Variants in SLC35D4 observed in about 807,000 individuals in gnomAD.
The protein encoded by SLC35D4 is UDP-N-acetylglucosamine transporter SLC35D4.
At chr18:23,384,799 T>C in the SLC35D4 span, among the ~76,000 whole-genome samples, 3 of 152,196 alleles carry the variant, frequency 2.0e-5, no homozygotes, top group Non-Finnish European at 2.9e-5. Context: ...TCAACAATAT[T>C]CCCACATATG....
chr18:23,327,472 C>T, the SLC35D4 span, among the ~76,000 whole-genome samples: 1 of 152,106 alleles, frequency 6.6e-6, no homozygotes, highest in Non-Finnish European at 1.5e-5. Flanking sequence ...AATTCCTGGA[C>T]ACATACACCC....
At chr18:23,411,047 G>T in the SLC35D4 span, among the ~76,000 whole-genome samples, 1 of 151,846 alleles carries the variant, frequency 6.6e-6, no homozygotes, top group South Asian at 2.1e-4. Context: ...AAGGAGGCAA[G>T]ATGGAATTAA....
the SLC35D4 span, among the ~76,000 whole-genome samples, chr18:23,437,077 A>T: frequency 6.6e-6 from 1 of 151,970 alleles, no homozygotes; most frequent in Non-Finnish European, 1.5e-5. Context: ...AGCCATGCCC[A>T]CTCGGTCCTA....
the SLC35D4 span, chr18:23,377,029 C>A: frequency 2.2e-6 from 1 of 453,414 alleles, no homozygotes; most frequent in African/African-American, 2.0e-5. Context: ...TCTATCAAAG[C>A]ACCTCTGTTG....
chr18:23,426,711 A>G, the SLC35D4 span, among the ~76,000 whole-genome samples: 8 of 152,172 alleles, frequency 5.3e-5, no homozygotes, highest in Non-Finnish European at 1.2e-4. Flanking sequence ...CATTGCCAAG[A>G]CAATCCTAAG....
chr18:23,253,180 G>A, the SLC35D4 span: 3 of 658,540 alleles, frequency 4.6e-6, no homozygotes, highest in Non-Finnish European at 8.3e-6. Context: ...TTGAGTCATT[G>A]TCACATTCAG....
the SLC35D4 span, among the ~76,000 whole-genome samples, chr18:23,307,732 G>A: frequency 1.3e-5 from 2 of 152,180 alleles, no homozygotes; most frequent in African/African-American, 2.4e-5. Flanking sequence ...TGTGAGTCAC[G>A]GGCTCTGAGG....
At chr18:23,423,818 C>G in the SLC35D4 span, among the ~76,000 whole-genome samples, 1 of 152,144 alleles carries the variant, frequency 6.6e-6, no homozygotes, top group African/African-American at 2.4e-5. Flanking sequence ...ACAACAATGG[C>G]TTGATTCAAA....
the SLC35D4 span, among the ~76,000 whole-genome samples, chr18:23,398,018 T>A: frequency 6.6e-6 from 1 of 152,174 alleles, no homozygotes; most frequent in African/African-American, 2.4e-5. Context: ...GCTGTGATTG[T>A]GCCACTGCAC....
the SLC35D4 span, among the ~76,000 whole-genome samples, chr18:23,317,871 CT>C: frequency 6.6e-6 from 1 of 152,072 alleles, no homozygotes; most frequent in African/African-American, 2.4e-5. Flanking sequence ...TCCTGAGTAG[CT>C]GGGATTACCA....
chr18:23,248,512 CTTT>C, the SLC35D4 span, among the ~76,000 whole-genome samples: 233 of 90,660 alleles, frequency 2.6e-3, 1 homozygote, highest in East Asian at 4.7e-3. Flanking sequence ...GACCCTATGT[CTTT>C]TTTTTTTTTT....
chr18:23,352,314 T>C, the SLC35D4 span: 30 of 1,586,894 alleles, frequency 1.9e-5, no homozygotes, highest in Non-Finnish European at 2.6e-5. Context: ...GATTCTCTTG[T>C]TAGTGAGGCT....
chr18:23,304,988 T>C, the SLC35D4 span, among the ~76,000 whole-genome samples: 1 of 152,240 alleles, frequency 6.6e-6, no homozygotes, highest in Non-Finnish European at 1.5e-5. Flanking sequence ...GCTTTCTGAT[T>C]TGCCCTTCCT....
At chr18:23,281,202 A>G in the SLC35D4 span, among the ~76,000 whole-genome samples, 1 of 152,204 alleles carries the variant, frequency 6.6e-6, no homozygotes, top group African/African-American at 2.4e-5. Flanking sequence ...AGATAGTGAT[A>G]ACGGTTGCAG....
At chr18:23,381,315 G>A in the SLC35D4 span, among the ~76,000 whole-genome samples, 1 of 152,148 alleles carries the variant, frequency 6.6e-6, no homozygotes, top group Admixed American at 6.5e-5. Context: ...AAAGAATAGA[G>A]TGGTTTCCTC....
chr18:23,381,057 C>T, the SLC35D4 span, among the ~76,000 whole-genome samples: 10 of 152,262 alleles, frequency 6.6e-5, no homozygotes, highest in Admixed American at 5.9e-4. Flanking sequence ...ATCAAGGCTC[C>T]TAGCTGTATC....
the SLC35D4 span, among the ~76,000 whole-genome samples, chr18:23,287,911 G>A: frequency 3.3e-5 from 5 of 152,308 alleles, no homozygotes; most frequent in South Asian, 6.2e-4. Context: ...TCCATGCAGC[G>A]GCTGCTGCCC....
chr18:23,300,874 T>A, the SLC35D4 span, among the ~76,000 whole-genome samples: 2 of 152,252 alleles, frequency 1.3e-5, no homozygotes, highest in Admixed American at 1.3e-4. Context: ...CTCCAGCCCT[T>A]CTCTTTCTCC....
the SLC35D4 span, among the ~76,000 whole-genome samples, chr18:23,334,815 C>A: frequency 6.6e-6 from 1 of 151,896 alleles, no homozygotes; most frequent in African/African-American, 2.4e-5. Context: ...CCAGCCTGGC[C>A]AACATGGTAA....
Sources: allele counts gnomAD v4.1 joint callset (sites outside exome capture counted in the v4.1 genomes callset), GRCh38; gene constraint gnomAD v4.1.1; transcripts MANE v1.5; gene names NCBI Gene and HGNC (gene_info 2026-07-23, HGNC 2026-07-21).